LARGE1: variants seen among roughly 807,000 people sequenced by gnomAD.
LARGE1 encodes xylosyl- and glucuronyltransferase LARGE1.
A neutral mutation model predicts 87.6 loss-of-function variants in LARGE1; 43 were observed. That is an observed-to-expected ratio of 0.49 (90% CI 0.38 to 0.63). LARGE1 has a LOEUF of 0.63. Ranked by LOEUF, LARGE1 falls within the 30% of genes least tolerant of loss-of-function variation. LARGE1 has a pLI of 0.00. For missense variants in LARGE1, 802 were observed against 1,000.2 expected, an observed-to-expected ratio of 0.80 and a Z score of 2.67; for synonymous variants, 434 against 394.6, an observed-to-expected ratio of 1.10 and a Z score of -1.18.
At chr22:33,391,765 C>CTTTTT (rs1034572374) in intron 7 of LARGE1, among the ~76,000 whole-genome samples, 6 of 63,848 alleles carry the variant, frequency 9.4e-5, no homozygotes, top group Non-Finnish European at 1.4e-4. Context: ...TTCCTTTTTC[C>CTTTTT]TTTTTTTTTT....
chr22:33,537,663 T>C (rs1182003056), intron 6 of LARGE1, among the ~76,000 whole-genome samples: 2 of 152,014 alleles, frequency 1.3e-5, no homozygotes. Flanking sequence ...ACCTCCTGGG[T>C]TCAAGCAAGT....
chr22:33,655,960 G>A (rs1326111960), intron 2 of LARGE1, among the ~76,000 whole-genome samples: 2 of 152,040 alleles, frequency 1.3e-5, no homozygotes, highest in Non-Finnish European at 2.9e-5. Flanking sequence ...CTTAAATTAT[G>A]GTTCTTCCAC....
At chr22:33,793,958 T>G (rs2085900578) in intron 1 of LARGE1, among the ~76,000 whole-genome samples, 1 of 152,128 alleles carries the variant, frequency 6.6e-6, no homozygotes, top group African/African-American at 2.4e-5. Context: ...GAATATGTTT[T>G]CATTTGTAAG....
chr22:33,253,374 T>C (rs917406249), intron 11 of LARGE1, among the ~76,000 whole-genome samples: 59 of 152,174 alleles, frequency 3.9e-4, no homozygotes, highest in African/African-American at 1.4e-3. Flanking sequence ...TGAAAGAAGA[T>C]GGAGGAACGC....
intron 7 of LARGE1, among the ~76,000 whole-genome samples, chr22:33,427,012 T>C (rs989707152): frequency 6.6e-6 from 1 of 152,212 alleles, no homozygotes; most frequent in Non-Finnish European, 1.5e-5. Context: ...CCTGCTATGT[T>C]TAGCCCTCCT....
intron 5 of LARGE1, among the ~76,000 whole-genome samples, chr22:33,595,196 G>A (rs146285081): frequency 1.3e-5 from 2 of 152,036 alleles, no homozygotes; most frequent in East Asian, 3.9e-4. Context: ...CATAGTAGGT[G>A]TATATATTTA....
intron 10 of LARGE1, among the ~76,000 whole-genome samples, chr22:33,323,666 C>T (rs1248052669): frequency 6.6e-6 from 1 of 152,174 alleles, no homozygotes; most frequent in Admixed American, 6.5e-5. Context: ...AAGAAGGGAA[C>T]ACATTATAAT....
intron 11 of LARGE1, among the ~76,000 whole-genome samples, chr22:33,225,378 T>C (rs1925681929): frequency 6.6e-6 from 1 of 152,232 alleles, no homozygotes; most frequent in Non-Finnish European, 1.5e-5. Context: ...GCATTTACAA[T>C]GTGCTGGGCA....
intron 6 of LARGE1, among the ~76,000 whole-genome samples, chr22:33,475,474 ATTTT>A (rs1264740264): frequency 3.2e-5 from 4 of 124,388 alleles, no homozygotes; most frequent in Non-Finnish European, 3.5e-5. Flanking sequence ...TTATTTATTT[ATTTT>A]GAGATGGGGT....
At position 33,395,226 on chromosome 22, in the gene LARGE1, C is replaced by CAAAAAAAA. The variant is rs3071528; in HGVS notation, c.893-10930_893-10923dup. Among the ~76,000 whole-genome samples, 288 of 61,410 alleles carry CAAAAAAAA rather than the reference C, an allele frequency of 4.7e-3. 8 individuals carry two copies. The highest frequency in any genetic ancestry group is 0.016 in the South Asian group (21 of 1,276). 40.3% of individuals were successfully genotyped at this position (61,410 alleles called of 152,430 possible). A position where few individuals can be genotyped will look rare whatever the true frequency, so the allele number is the denominator to read the frequency against. ...CCTGGGTGACGCAGCGACTCTGCCT[C>CAAAAAAAA]AAAAAAAAAAAAAAAAAAAAAGCCA... On this transcript the variant is annotated intron_variant, in intron 7 of 14. Coordinates refer to ENST00000397394, the MANE Select transcript of LARGE1 (RefSeq NM_133642.5).
At chr22:33,095,320 A>T in the LARGE1 span, among the ~76,000 whole-genome samples, 632 of 152,280 alleles carry the variant, frequency 4.2e-3, 4 homozygotes, top group Non-Finnish European at 6.9e-3. Context: ...GGCAATCCTT[A>T]TTGTTCCTTA....
intron 11 of LARGE1, among the ~76,000 whole-genome samples, chr22:33,176,750 G>A (rs186265370): frequency 7.9e-5 from 12 of 152,154 alleles, no homozygotes; most frequent in Admixed American, 6.5e-4. Flanking sequence ...ACAGTGTGGC[G>A]ATTCCTCAAG....
chr22:33,780,959 T>C (rs1446757037), intron 1 of LARGE1, among the ~76,000 whole-genome samples: 1 of 152,214 alleles, frequency 6.6e-6, no homozygotes, highest in Non-Finnish European at 1.5e-5. Context: ...TGTGGGGCTG[T>C]CAGTAGAACC....
chr22:33,431,162 G>T (rs2067066609), intron 7 of LARGE1, among the ~76,000 whole-genome samples: 1 of 152,234 alleles, frequency 6.6e-6, no homozygotes, highest in Non-Finnish European at 1.5e-5. Context: ...GAAGGATCCA[G>T]AAGCATGTCA....
At chr22:33,801,906 G>A (rs541373905) in intron 1 of LARGE1, among the ~76,000 whole-genome samples, 27 of 149,972 alleles carry the variant, frequency 1.8e-4, no homozygotes, top group African/African-American at 3.6e-4. Flanking sequence ...AGCTATATAC[G>A]CACTTAAAAC....
At chr22:33,118,967 G>A in the LARGE1 span, among the ~76,000 whole-genome samples, 14 of 152,198 alleles carry the variant, frequency 9.2e-5, no homozygotes, top group Non-Finnish European at 1.6e-4. Context: ...CAATCTATGT[G>A]TCTCTTCATC....
At chr22:33,818,310 AAGG>A (rs1271016298) in intron 1 of LARGE1, among the ~76,000 whole-genome samples, 1 of 152,212 alleles carries the variant, frequency 6.6e-6, no homozygotes, top group Non-Finnish European at 1.5e-5. Context: ...CTGTCGCTGC[AAGG>A]AGAACATACA....
chr22:33,192,913 T>C (rs183363522), intron 11 of LARGE1, among the ~76,000 whole-genome samples: 52 of 152,384 alleles, frequency 3.4e-4, no homozygotes, highest in Admixed American at 3.1e-3. Context: ...ACACCATTTA[T>C]TGAAGAAATT....
intron 6 of LARGE1, among the ~76,000 whole-genome samples, chr22:33,557,557 C>T (rs1011198572): frequency 7.9e-5 from 12 of 151,980 alleles, no homozygotes; most frequent in African/African-American, 2.9e-4. Flanking sequence ...ACTGGGAGTG[C>T]AGGAGAACTT....
Sources: gnomAD v4.1 joint callset for allele counts (sites outside exome capture counted in the v4.1 genomes callset) on GRCh38, gnomAD v4.1.1 for gene constraint, MANE v1.5 for transcripts, NCBI Gene and HGNC (gene_info 2026-07-23, HGNC 2026-07-21) for gene names.